TNS3: variants seen among roughly 807,000 people sequenced by gnomAD.
TNS3 encodes tensin 3.
A neutral mutation model predicts 140.9 loss-of-function variants in TNS3; 45 were observed. That is an observed-to-expected ratio of 0.32 (90% CI 0.25 to 0.41). The LOEUF is 0.41. Ranked by LOEUF, TNS3 falls within the 10% of genes least tolerant of loss-of-function variation. The pLI is 1.00. For synonymous variants in TNS3, 815 were observed against 788.4 expected, an observed-to-expected ratio of 1.03 and a Z score of -0.56; for missense variants, 1,716 against 1,906.7, an observed-to-expected ratio of 0.90 and a Z score of 1.86.
chr7:47,322,439 T>A (rs557784674), intron 20 of TNS3, among the ~76,000 whole-genome samples: 2 of 151,942 alleles, frequency 1.3e-5, no homozygotes, highest in African/African-American at 4.8e-5. Context: ...GGAGAATCGC[T>A]TGAACCCGGG....
intron 13 of TNS3, chr7:47,405,423 A>G (rs1793389918): frequency 5.8e-6 from 4 of 686,192 alleles, no homozygotes; most frequent in Middle Eastern, 2.3e-4. Flanking sequence ...TTACAACCGC[A>G]TATTTGGAGG....
intron 1 of TNS3, among the ~76,000 whole-genome samples, chr7:47,553,641 T>C (rs1199595832): frequency 6.6e-6 from 1 of 152,194 alleles, no homozygotes; most frequent in African/African-American, 2.4e-5. Flanking sequence ...AGAGATTCGT[T>C]TCAAAATATT....
At chr7:47,457,619 C>T (rs1282619009) in intron 4 of TNS3, among the ~76,000 whole-genome samples, 1 of 152,196 alleles carries the variant, frequency 6.6e-6, no homozygotes, top group East Asian at 1.9e-4. Flanking sequence ...CCATGGTTTC[C>T]TGCCACTCAA....
At chr7:47,431,938 T>C (rs183985259) in intron 8 of TNS3, among the ~76,000 whole-genome samples, 11 of 152,316 alleles carry the variant, frequency 7.2e-5, no homozygotes, top group African/African-American at 2.6e-4. Context: ...CATAAATTCC[T>C]GGACACATAC....
At position 47,304,912 on chromosome 7, in the gene TNS3, C is replaced by T. The variant is rs200638807; in HGVS notation, c.2742G>A (p.Ala914=). The change falls in exon 21 of 31, where the codon GCG becomes GCA. Residue 914 remains alanine, a synonymous_variant. Coordinates refer to ENST00000311160, the MANE Select transcript of TNS3 (RefSeq NM_022748.12). ...CCTGCTGAAAGGAGGGCGTCGAGGA[C>T]GCATCAGCCCGGAGCATCGTGGATT... ...GPKSTMLRAD[A]SSTPSFQQAF... 451 of 1,431,118 alleles carry T rather than the reference C, an allele frequency of 3.2e-4. No individual in the cohort carries two copies. The highest frequency in any genetic ancestry group is 3.7e-4 in the Non-Finnish European group (404 of 1,079,334). 88.7% of individuals were successfully genotyped at this position (1,431,118 alleles called of 1,614,324 possible).
chr7:47,526,776 T>C (rs1239355159), intron 2 of TNS3, among the ~76,000 whole-genome samples: 1 of 152,202 alleles, frequency 6.6e-6, no homozygotes, highest in Non-Finnish European at 1.5e-5. Flanking sequence ...GCCCAATGGC[T>C]CCGCTGGCAC....
intron 1 of TNS3, among the ~76,000 whole-genome samples, chr7:47,569,437 G>A (rs1022740099): frequency 2.6e-5 from 4 of 152,082 alleles, no homozygotes; most frequent in Non-Finnish European, 2.9e-5. Flanking sequence ...CCAGCTACTC[G>A]AGAGGCTGAG....
In TNS3 at chr7:47,424,277, C is replaced by T. The variant is rs1259498099; in HGVS notation, c.390-93G>A. 1.2e-5 allele frequency: 15 copies of T among 1,237,214 alleles called. No individual in the cohort carries two copies. In the East Asian group the frequency reaches 2.4e-4, roughly 20 times the overall value. 76.6% of individuals were successfully genotyped at this position (1,237,214 alleles called of 1,614,324 possible). ...GGATGTGTCTCATGGCTGTTCAAAG[C>T]GACCAGCTCCCACAAGGGGCTTCAC... On this transcript the variant is annotated intron_variant, in intron 9 of 30. Coordinates refer to ENST00000311160, the MANE Select transcript of TNS3 (RefSeq NM_022748.12).
intron 1 of TNS3, among the ~76,000 whole-genome samples, chr7:47,557,973 T>C (rs562321288): frequency 1.3e-5 from 2 of 152,188 alleles, no homozygotes; most frequent in Non-Finnish European, 2.9e-5. Context: ...CCTCGGGACA[T>C]CTCTGCTGTC....
At chr7:47,389,154 AAGCAGAAGAAGC>A (rs1404207783) in intron 16 of TNS3, among the ~76,000 whole-genome samples, 1 of 82,208 alleles carries the variant, frequency 1.2e-5, no homozygotes, top group African/African-American at 4.2e-5. Context: ...GAAGAAGAAG[AAGCAGAAGAAGC>A]AGCAGAAGCA....
rs537568392 is a variant in TNS3 at position 47,513,465 on chromosome 7, C to T, written c.-152-6521G>A. 1.5e-4 allele frequency among the ~76,000 whole-genome samples: 23 copies of T among 152,336 alleles called. No individual in the cohort carries two copies. The South Asian group carries it at 3.1e-3, about 21-fold the overall frequency. On this transcript the variant is annotated intron_variant, in intron 2 of 30. Coordinates refer to ENST00000311160, the MANE Select transcript of TNS3 (RefSeq NM_022748.12). ...ATTACAAGCATAAGCCACCTCACCACGCCCTAAAATAATCTAATTTTTAAA... is the reference window on the plus strand; with the variant it reads ...ATTACAAGCATAAGCCACCTCACCATGCCCTAAAATAATCTAATTTTTAAA...
intron 20 of TNS3, among the ~76,000 whole-genome samples, chr7:47,309,506 C>T (rs1430194641): frequency 6.6e-6 from 1 of 152,098 alleles, no homozygotes; most frequent in Non-Finnish European, 1.5e-5. Context: ...TTTGTTTTAC[C>T]TTTCTCAGTT....
At chr7:47,555,866 A>G (rs1436717501) in intron 1 of TNS3, among the ~76,000 whole-genome samples, 4 of 152,244 alleles carry the variant, frequency 2.6e-5, no homozygotes, top group African/African-American at 9.6e-5. Flanking sequence ...TGTGCAACTT[A>G]CTTTATCTCA....
intron 4 of TNS3, among the ~76,000 whole-genome samples, chr7:47,478,327 T>G (rs1316030584): frequency 1.3e-5 from 2 of 152,016 alleles, no homozygotes; most frequent in African/African-American, 2.4e-5. Context: ...GGACCACACC[T>G]GGGGGCCAGC....
intron 3 of TNS3, among the ~76,000 whole-genome samples, chr7:47,504,844 T>TA (rs796171669): frequency 4.6e-5 from 7 of 151,898 alleles, no homozygotes; most frequent in South Asian, 4.2e-4. Context: ...AGCTGTATTA[T>TA]AAAAAAAATG....
rs1287665797 is a variant in TNS3 at position 47,369,370 on chromosome 7, C to A, written c.1276G>T (p.Asp426Tyr). The A allele has an allele frequency of 6.2e-6, 10 of 1,614,016 alleles. No individual in the cohort carries two copies. Among genetic ancestry groups the A allele is most frequent in the Non-Finnish European group, 8.5e-6 (10 of 1,180,038 alleles). The change falls in exon 17 of 31, where the codon GAC becomes TAC. Residue 426 changes from aspartate to tyrosine, a missense_variant. Coordinates refer to ENST00000311160, the MANE Select transcript of TNS3 (RefSeq NM_022748.12). ...GLSAQEKAEL[D>Y]QLLSGFGLED... Reference sequence around the variant, plus strand: ...AGGCCAAAGCCACTGAGCAGCTGGTCCAACTCTGCCTTCTCCTGGGCACTC... The same window carrying A: ...AGGCCAAAGCCACTGAGCAGCTGGTACAACTCTGCCTTCTCCTGGGCACTC...
At chr7:47,358,961 C>T (rs1360267321) in intron 17 of TNS3, among the ~76,000 whole-genome samples, 1 of 152,120 alleles carries the variant, frequency 6.6e-6, no homozygotes, top group Non-Finnish European at 1.5e-5. Flanking sequence ...CCTGGTGATA[C>T]CAAATGACTT....
chr7:47,422,763 A>G (rs1794442680), intron 10 of TNS3, among the ~76,000 whole-genome samples: 1 of 152,190 alleles, frequency 6.6e-6, no homozygotes, highest in Non-Finnish European at 1.5e-5. Flanking sequence ...TGTGCCAAGC[A>G]TTCTGCATGG....
chr7:47,352,940 G>A (rs557943245), intron 17 of TNS3, among the ~76,000 whole-genome samples: 5 of 152,290 alleles, frequency 3.3e-5, no homozygotes, highest in African/African-American at 1.2e-4. Flanking sequence ...GCTACAGGTG[G>A]GGCAGAGGTG....
Sources: allele counts gnomAD v4.1 joint callset (sites outside exome capture counted in the v4.1 genomes callset), GRCh38; gene constraint gnomAD v4.1.1; transcripts MANE v1.5; gene names NCBI Gene and HGNC (gene_info 2026-07-23, HGNC 2026-07-21).